The following TASP1 variants were observed in gnomAD, a reference collection of about 807,000 sequenced individuals.
TASP1 encodes the protein threonine aspartase 1.
A neutral mutation model predicts 56.6 loss-of-function variants in TASP1; 16 were observed. The observed-to-expected ratio is 0.28, with a 90% confidence interval of 0.19 to 0.43. The LOEUF is 0.43. Ranked by LOEUF, TASP1 falls within the 20% of genes least tolerant of loss-of-function variation. The pLI, the probability that TASP1 is intolerant of heterozygous loss-of-function variation, is 1.00. For missense variants in TASP1, 393 were observed against 511.6 expected, an observed-to-expected ratio of 0.77 and a Z score of 2.24; for synonymous variants, 179 against 184.2, an observed-to-expected ratio of 0.97 and a Z score of 0.23.
intron 10 of TASP1, among the ~76,000 whole-genome samples, chr20:13,497,713 TCA>T (rs2043785083): frequency 6.6e-6 from 1 of 152,142 alleles, no homozygotes; most frequent in Non-Finnish European, 1.5e-5. Flanking sequence ...GCTGGAGGCA[TCA>T]CACTATCTGA....
In TASP1 at chr20:13,487,479, C is replaced by T. The variant is rs1315631378; in HGVS notation, c.875-4142G>A. ...GCAGCAGGAATCCTGGACATTCCCA[C>T]GGCCCTAGGAGTGCCAGTCTCTACG... On this transcript the variant is annotated intron_variant, in intron 10 of 13. Transcript: ENST00000337743. Among the ~76,000 whole-genome samples, 12 of 152,284 alleles carry T rather than the reference C, an allele frequency of 7.9e-5. No individual in the cohort carries two copies. In the East Asian group the frequency reaches 1.5e-3, roughly 20 times the overall value.
At chr20:13,393,403 A>G in intron 13 of TASP1, 1 of 749,098 alleles carries the variant, frequency 1.3e-6, no homozygotes, top group Non-Finnish European at 2.4e-6. Context: ...TCAGTTATGG[A>G]CCTGACCTAC....
the TASP1 span, among the ~76,000 whole-genome samples, chr20:13,247,624 C>T: frequency 6.6e-6 from 1 of 150,456 alleles, no homozygotes; most frequent in East Asian, 2.0e-4. Context: ...TTCTCAAAAC[C>T]CACCATCTAG....
At position 13,497,906 on chromosome 20, in the gene TASP1, T is replaced by C. The variant is rs558407730; in HGVS notation, c.875-14569A>G. 4.5e-4 allele frequency among the ~76,000 whole-genome samples: 69 copies of C among 152,290 alleles called. No homozygotes were observed. The Middle Eastern group carries it at 0.01, about 23-fold the overall frequency. ...GAAGAAATGACTCTGTATTTAATAA[T>C]TGGTGCTGGGATAACTGGTTAGCCA... is the stretch of plus-strand genomic sequence containing the variant. On this transcript the variant is annotated intron_variant, in intron 10 of 13. Coordinates refer to ENST00000337743, the MANE Select transcript of TASP1 (RefSeq NM_017714.3).
intron 8 of TASP1, among the ~76,000 whole-genome samples, chr20:13,550,162 A>G (rs1472923026): frequency 6.8e-6 from 1 of 146,276 alleles, no homozygotes; most frequent in Non-Finnish European, 1.5e-5. Context: ...ACACACACAC[A>G]CACACACACA....
intron 7 of TASP1, among the ~76,000 whole-genome samples, chr20:13,567,545 A>G (rs78047324): frequency 0.042 from 6,362 of 152,210 alleles, 423 homozygotes; most frequent in African/African-American, 0.14. Flanking sequence ...AATGTGCAAA[A>G]TGAGCACTCA....
At chr20:13,621,680 T>C (rs772753282) in intron 4 of TASP1, among the ~76,000 whole-genome samples, 6 of 152,120 alleles carry the variant, frequency 3.9e-5, no homozygotes, top group Non-Finnish European at 8.8e-5. Flanking sequence ...TTTTTAAGTA[T>C]AAATAAGTAA....
At chr20:13,620,562 T>G (rs2048677928) in intron 4 of TASP1, among the ~76,000 whole-genome samples, 1 of 152,198 alleles carries the variant, frequency 6.6e-6, no homozygotes, top group Admixed American at 6.5e-5. Flanking sequence ...TGTTTATGTA[T>G]TGTTTCCTTA....
downstream of TASP1, among the ~76,000 whole-genome samples, chr20:13,385,660 T>G (rs2041158318): frequency 1.3e-5 from 2 of 152,082 alleles, no homozygotes; most frequent in Admixed American, 1.3e-4. Context: ...ATCTGGGAGA[T>G]GATTTCAGTA....
rs2041459985 is a variant in TASP1 at position 13,394,776 on chromosome 20, T to C, written c.1171-4324A>G. Among the ~76,000 whole-genome samples the C allele has an allele frequency of 2.0e-5, 3 of 152,158 alleles. No homozygotes were observed. The South Asian group carries it at 6.2e-4, about 32-fold the overall frequency. On this transcript the variant is annotated intron_variant, in intron 13 of 13. Coordinates refer to ENST00000337743, the MANE Select transcript of TASP1 (RefSeq NM_017714.3). The stretch of plus-strand genomic sequence containing the variant: ...GGCCGTGTAGTTATAATTTGCCGCT[T>C]TCTTGCTAATTCCCTAAGAAGCACA...
At chr20:13,225,230 G>A in the TASP1 span, among the ~76,000 whole-genome samples, 1 of 152,144 alleles carries the variant, frequency 6.6e-6, no homozygotes, top group Non-Finnish European at 1.5e-5. Context: ...AGGAGAAACT[G>A]AGGTTAGGTA....
chr20:13,400,551 A>AG (rs2041698500), intron 13 of TASP1, among the ~76,000 whole-genome samples: 1 of 152,232 alleles, frequency 6.6e-6, no homozygotes, highest in African/African-American at 2.4e-5. Flanking sequence ...ATCTCCTACT[A>AG]GTGAATTGTT....
chr20:13,171,273 A>G, the TASP1 span, among the ~76,000 whole-genome samples: 7 of 152,328 alleles, frequency 4.6e-5, no homozygotes, highest in Non-Finnish European at 8.8e-5. Flanking sequence ...GCTTCAATTA[A>G]TCATAGCCAC....
At chr20:13,442,991 T>G (rs1013235708) in intron 11 of TASP1, among the ~76,000 whole-genome samples, 3 of 152,202 alleles carry the variant, frequency 2.0e-5, no homozygotes, top group Admixed American at 2.0e-4. Flanking sequence ...ATAACAGATA[T>G]TAAAAGACAT....
At chr20:13,288,614 C>T in the TASP1 span, 5 of 1,613,860 alleles carry the variant, frequency 3.1e-6, no homozygotes, top group South Asian at 3.3e-5. Context: ...CAACCAGAAA[C>T]GGACCCGGTC....
chr20:13,171,223 A>C, the TASP1 span, among the ~76,000 whole-genome samples: 1 of 152,180 alleles, frequency 6.6e-6, no homozygotes, highest in African/African-American at 2.4e-5. Context: ...AATTTTATAT[A>C]ATTTACACCA....
the TASP1 span, among the ~76,000 whole-genome samples, chr20:13,268,758 A>T: frequency 1.3e-5 from 2 of 152,076 alleles, no homozygotes; most frequent in Non-Finnish European, 2.9e-5. Flanking sequence ...ATTTATAAAA[A>T]TCCATTCGCA....
At chr20:13,299,092 G>A in the TASP1 span, 11 of 1,613,676 alleles carry the variant, frequency 6.8e-6, no homozygotes, top group African/African-American at 6.7e-5. This position sits in a 1 kb window ranked among gnomAD's most constrained non-coding sequence, Gnocchi z 5.8. Flanking sequence ...CGCATCAAGC[G>A]CAAGGACTTC....
intron 13 of TASP1, among the ~76,000 whole-genome samples, chr20:13,401,561 G>A (rs1413353772): frequency 1.3e-5 from 2 of 152,034 alleles, no homozygotes; most frequent in Admixed American, 6.6e-5. Flanking sequence ...AAATCAATGG[G>A]GGATTCTCAA....
Sources: gnomAD v4.1 joint callset for allele counts (sites outside exome capture counted in the v4.1 genomes callset) on GRCh38, gnomAD v4.1.1 for gene constraint, Gnocchi (gnomAD v3.1) non-coding constraint, MANE v1.5 for transcripts, NCBI Gene and HGNC (gene_info 2026-07-23, HGNC 2026-07-21) for gene names.